MKLN1: variants seen among roughly 807,000 people sequenced by gnomAD.
The protein encoded by MKLN1 is muskelin.
A neutral mutation model predicts 99.0 loss-of-function variants in MKLN1; 18 were observed. The ratio of observed to expected loss-of-function variants is 0.18; its 90% CI spans 0.13 to 0.27. The LOEUF is 0.27. Among genes scored for constraint, MKLN1 ranks in the 10% least tolerant of loss-of-function variants. MKLN1 has a pLI of 1.00. For missense variants in MKLN1, 621 were observed against 875.9 expected (o/e 0.71, Z 3.67); for synonymous variants, 288 against 293.2 (o/e 0.98, Z 0.18).
At chr7:131,458,337 T>C (rs763889733) in intron 12 of MKLN1, among the ~76,000 whole-genome samples, 10 of 152,148 alleles carry the variant, frequency 6.6e-5, no homozygotes, top group Non-Finnish European at 1.3e-4. Flanking sequence ...AGAAACCCAT[T>C]TGGGAGCAGG....
At chr7:131,266,930 G>C (rs956175641) in intron 3 of MKLN1, among the ~76,000 whole-genome samples, 1 of 151,942 alleles carries the variant, frequency 6.6e-6, no homozygotes, top group South Asian at 2.1e-4. Context: ...CACAAGCTTA[G>C]TTTAAGCCCC....
intron 3 of MKLN1, among the ~76,000 whole-genome samples, chr7:131,311,999 A>AT (rs368580793): frequency 0.048 from 7,166 of 150,696 alleles, 194 homozygotes; most frequent in Middle Eastern, 0.12. Context: ...TCAGGCAGGT[A>AT]TTTTTTTTTG....
At chr7:131,236,826 A>C (rs547967941) in intron 3 of MKLN1, among the ~76,000 whole-genome samples, 1 of 151,992 alleles carries the variant, frequency 6.6e-6, no homozygotes, top group Admixed American at 6.6e-5. Context: ...CTCTACATAA[A>C]ATATTTAAGA....
intron 3 of MKLN1, among the ~76,000 whole-genome samples, chr7:131,203,160 T>C (rs1796756050): frequency 6.6e-6 from 1 of 152,254 alleles, no homozygotes; most frequent in African/African-American, 2.4e-5. Flanking sequence ...TACCACTGTT[T>C]ATAATTTAAA....
At chr7:131,346,054 A>G (rs971274548) in intron 1 of MKLN1, among the ~76,000 whole-genome samples, 3 of 152,250 alleles carry the variant, frequency 2.0e-5, no homozygotes, top group Admixed American at 6.5e-5. Context: ...CTTCCAGCCT[A>G]TAAGTAAAAT....
chr7:131,339,172 A>G (rs1784468951), intron 1 of MKLN1, among the ~76,000 whole-genome samples: 1 of 152,248 alleles, frequency 6.6e-6, no homozygotes, highest in South Asian at 2.1e-4. Flanking sequence ...CAAAAGTCAT[A>G]CATGGCTTTT....
chr7:131,404,215 T>A (rs938694692), intron 6 of MKLN1, among the ~76,000 whole-genome samples: 4 of 152,212 alleles, frequency 2.6e-5, no homozygotes, highest in African/African-American at 9.6e-5. Context: ...TTTGGGTACT[T>A]CCAGTCTTAT....
At chr7:131,287,186 C>T in intron 3 of MKLN1, among the ~76,000 whole-genome samples, 1 of 152,240 alleles carries the variant, frequency 6.6e-6, no homozygotes. Flanking sequence ...GTATATCCTC[C>T]TGTCCCATCT....
intron 10 of MKLN1, 24 bp from the exon 11 acceptor site, chr7:131,443,457 C>A (rs1295214979): frequency 1.3e-6 from 2 of 1,515,228 alleles, no homozygotes; most frequent in East Asian, 2.3e-5. Context: ...TAAAACTATT[C>A]AATCTGTTGC....
chr7:131,163,763 C>T (rs184534066), intron 2 of MKLN1, among the ~76,000 whole-genome samples: 13 of 152,260 alleles, frequency 8.5e-5, no homozygotes, highest in East Asian at 3.9e-4. Flanking sequence ...CAGTGTTCTT[C>T]GCTCACAAGT....
intron 12 of MKLN1, 66 bp from the exon 13 acceptor site, chr7:131,463,151 G>C: frequency 7.5e-7 from 1 of 1,324,610 alleles, no homozygotes; most frequent in South Asian, 1.3e-5. Context: ...AGAAAGGAAG[G>C]AAGGAAGGAA....
At chr7:131,323,057 A>G (rs959653741), upstream of MKLN1, among the ~76,000 whole-genome samples, 2 of 152,198 alleles carry the variant, frequency 1.3e-5, no homozygotes, top group Admixed American at 1.3e-4. Flanking sequence ...AGTGTCATTC[A>G]CTAGACCTGG....
At chr7:131,442,634 A>G (rs1012854033) in intron 10 of MKLN1, among the ~76,000 whole-genome samples, 4 of 152,226 alleles carry the variant, frequency 2.6e-5, no homozygotes, top group African/African-American at 9.6e-5. Flanking sequence ...ATTGAACATC[A>G]AATGGTTGGG....
At chr7:131,336,603 T>C (rs591211) in intron 1 of MKLN1, among the ~76,000 whole-genome samples, 3 of 152,116 alleles carry the variant, frequency 2.0e-5, no homozygotes, top group Non-Finnish European at 4.4e-5. Flanking sequence ...CTGTTACTGT[T>C]CTTTTGGTGG....
chr7:131,224,807 C>G (rs1797116944), intron 3 of MKLN1, among the ~76,000 whole-genome samples: 2 of 151,930 alleles, frequency 1.3e-5, no homozygotes. Context: ...GGCGCAGTGG[C>G]TCATGCCTGT....
intron 3 of MKLN1, among the ~76,000 whole-genome samples, chr7:131,304,008 A>T (rs1283650217): frequency 6.6e-6 from 1 of 152,242 alleles, no homozygotes; most frequent in Admixed American, 6.5e-5. Flanking sequence ...CAATTTAAAA[A>T]ATATTTCTTG....
chr7:131,197,074 A>C (rs541524420), intron 2 of MKLN1, among the ~76,000 whole-genome samples: 63 of 152,334 alleles, frequency 4.1e-4, no homozygotes, highest in Non-Finnish European at 6.9e-4. Flanking sequence ...CAGAGCTGGC[A>C]CACACACAAA....
intron 1 of MKLN1, among the ~76,000 whole-genome samples, chr7:131,131,526 A>T (rs1021897221): frequency 1.8e-4 from 27 of 152,162 alleles, no homozygotes; most frequent in African/African-American, 6.5e-4. Context: ...GCAGCTGGAG[A>T]AACAGGTATT....
intron 3 of MKLN1, among the ~76,000 whole-genome samples, chr7:131,318,264 C>T (rs943874374): frequency 2.6e-5 from 4 of 152,268 alleles, no homozygotes; most frequent in African/African-American, 9.6e-5. Context: ...GTCTCTCAGA[C>T]CACAGTGCAA....
Sources: gnomAD v4.1 joint callset for allele counts (sites outside exome capture counted in the v4.1 genomes callset) on GRCh38, gnomAD v4.1.1 for gene constraint, MANE v1.5 for transcripts, NCBI Gene and HGNC (gene_info 2026-07-23, HGNC 2026-07-21) for gene names.